The following CDH1 variants were observed in gnomAD, a reference collection of about 807,000 sequenced individuals.
CDH1 encodes the protein cadherin-1.
A neutral mutation model predicts 84.5 loss-of-function variants in CDH1; 35 were observed. The observed-to-expected ratio is 0.41, with a 90% CI of 0.32 to 0.55. The LOEUF is 0.55. Among genes scored for constraint, CDH1 ranks in the 20% least tolerant of loss-of-function variants. The pLI, the probability that CDH1 is intolerant of heterozygous loss-of-function variation, is 0.19. For missense variants in CDH1, 994 were observed against 1,126.6 expected, an observed-to-expected ratio of 0.88 and a Z score of 1.68; for synonymous variants, 417 against 439.0, an observed-to-expected ratio of 0.95 and a Z score of 0.63.
At chr16:68,803,861 T>C (rs1356743036) in intron 3 of CDH1, among the ~76,000 whole-genome samples, 3 of 152,076 alleles carry the variant, frequency 2.0e-5, no homozygotes, top group African/African-American at 7.2e-5. Flanking sequence ...AAGGAAGCCC[T>C]AGGGTAAGCT....
In CDH1 at chr16:68,835,354, G is replaced by A. The variant is rs1203318322; in HGVS notation, c.*1855G>A. The A allele has an allele frequency of 2.2e-5, 5 of 222,740 alleles. No homozygotes were observed. The highest frequency in any genetic ancestry group is 4.5e-5 in the Non-Finnish European group (5 of 111,372). 13.8% of individuals were successfully genotyped at this position (222,740 alleles called of 1,614,324 possible). A position where few individuals can be genotyped will look rare whatever the true frequency, so the allele number is the denominator to read the frequency against. On this transcript the variant is annotated 3_prime_UTR_variant, in exon 16 of 16. Transcript: ENST00000261769. ...CTTTTTGGAATTGTCTTGATTTTTC[G>A]GCAGTTCAAGCTATATCGAATATAG...
At chr16:68,807,359 A>G (rs910481343) in intron 3 of CDH1, among the ~76,000 whole-genome samples, 2 of 152,124 alleles carry the variant, frequency 1.3e-5, no homozygotes, top group Non-Finnish European at 2.9e-5. Flanking sequence ...CACGTTGAGG[A>G]CCTGTGTCCC....
intron 2 of CDH1, among the ~76,000 whole-genome samples, chr16:68,788,116 C>T (rs9932005): frequency 0.32 from 48,699 of 151,960 alleles, 8,916 homozygotes; most frequent in African/African-American, 0.51. Context: ...TGTGAGCCAC[C>T]GCACCCAGCC....
At chr16:68,763,728 C>A (rs554855132) in intron 2 of CDH1, among the ~76,000 whole-genome samples, 2 of 152,336 alleles carry the variant, frequency 1.3e-5, no homozygotes, top group Admixed American at 6.5e-5. Context: ...TAGGCCTTTG[C>A]CTGTCTGACA....
chr16:68,792,470 TC>T (rs1960234113), intron 2 of CDH1, among the ~76,000 whole-genome samples: 2 of 152,272 alleles, frequency 1.3e-5, no homozygotes, highest in South Asian at 4.1e-4. Flanking sequence ...CCTCAAGTGT[TC>T]CACCCACCTC....
chr16:68,758,207 C>CT (rs57413297), intron 2 of CDH1, among the ~76,000 whole-genome samples: 2,819 of 40,052 alleles, frequency 0.07, 921 homozygotes, highest in African/African-American at 0.23. Flanking sequence ...CTTTTTATTT[C>CT]TTTTTTTTTT....
intron 2 of CDH1, among the ~76,000 whole-genome samples, chr16:68,774,016 A>C (rs550920355): frequency 1.4e-4 from 22 of 152,338 alleles, no homozygotes; most frequent in African/African-American, 5.3e-4. Context: ...CCCAGCCTCA[A>C]GCGATCTTCC....
chr16:68,806,517 A>G (rs1387718034), intron 3 of CDH1, among the ~76,000 whole-genome samples: 1 of 152,160 alleles, frequency 6.6e-6, no homozygotes, highest in Admixed American at 6.5e-5. Context: ...CAATAAAACC[A>G]TAACTCAGTG....
intron 13 of CDH1, among the ~76,000 whole-genome samples, chr16:68,825,926 C>G (rs1961311290): frequency 6.6e-6 from 1 of 151,366 alleles, no homozygotes. Flanking sequence ...AGGCAATCCT[C>G]CCACCTCAGA....
chr16:68,766,731 G>C (rs895123089), intron 2 of CDH1, among the ~76,000 whole-genome samples: 2 of 96,614 alleles, frequency 2.1e-5, no homozygotes, highest in African/African-American at 9.3e-5. Flanking sequence ...GTAAGGTCTA[G>C]AACCCCCTTT....
intron 2 of CDH1, among the ~76,000 whole-genome samples, chr16:68,784,531 A>G (rs989726629): frequency 1.3e-5 from 2 of 151,890 alleles, no homozygotes; most frequent in African/African-American, 4.8e-5. Context: ...TGCATCCTGC[A>G]TGGTGTTGGT....
chr16:68,774,171 C>T (rs1250057902), intron 2 of CDH1, among the ~76,000 whole-genome samples: 1 of 152,174 alleles, frequency 6.6e-6, no homozygotes. Flanking sequence ...GCTTCAGCCT[C>T]CTAAAGTGCT....
intron 14 of CDH1, among the ~76,000 whole-genome samples, chr16:68,829,031 A>G (rs1961405957): frequency 6.6e-6 from 1 of 152,160 alleles, no homozygotes; most frequent in Non-Finnish European, 1.5e-5. Context: ...CAATAGAGCA[A>G]CCAATCGTGG....
At chr16:68,800,106 G>A (rs1300246881) in intron 2 of CDH1, among the ~76,000 whole-genome samples, 3 of 151,126 alleles carry the variant, frequency 2.0e-5, no homozygotes, top group East Asian at 1.9e-4. Context: ...TTGGAAGGCC[G>A]AGGCAGGAAG....
chr16:68,831,888 C>G (rs1961494009), intron 15 of CDH1, among the ~76,000 whole-genome samples: 1 of 152,132 alleles, frequency 6.6e-6, no homozygotes, highest in African/African-American at 2.4e-5. Context: ...TCCATTCATA[C>G]TCATTTGCAA....
intron 2 of CDH1, among the ~76,000 whole-genome samples, chr16:68,743,696 T>C (rs1962648513): frequency 6.6e-6 from 1 of 152,114 alleles, no homozygotes; most frequent in Admixed American, 6.6e-5. Context: ...GCCTCAGCTC[T>C]ATCTCCTTTG....
At chr16:68,776,284 G>A (rs1189823509) in intron 2 of CDH1, among the ~76,000 whole-genome samples, 1 of 152,148 alleles carries the variant, frequency 6.6e-6, no homozygotes, top group Non-Finnish European at 1.5e-5. Context: ...ACCGCACCAG[G>A]CCTATTTTAG....
intron 2 of CDH1, among the ~76,000 whole-genome samples, chr16:68,746,155 C>T (rs931082976): frequency 8.5e-5 from 13 of 152,162 alleles, no homozygotes; most frequent in African/African-American, 1.7e-4. Flanking sequence ...AGGCCAGGTG[C>T]GGTGGCTTAC....
rs2152137149 is a variant in CDH1, at chr16:68,819,492, C to T, written c.1711+67C>T. The T allele has an allele frequency of 3.3e-6, 5 of 1,497,194 alleles. No homozygotes were observed. The East Asian group carries it at 9.0e-5, about 27-fold the overall frequency. The allele number at this position is 1,497,194 out of a possible 1,614,324, so 92.7% of individuals were successfully genotyped here. Reference sequence around the variant, plus strand: ...AGCTAGTTCAGTTCCTTGCCCCTCCCTTCTTTTGGAGGGAAGAGTTCATTC... The same window carrying T: ...AGCTAGTTCAGTTCCTTGCCCCTCCTTTCTTTTGGAGGGAAGAGTTCATTC... On this transcript the variant is annotated intron_variant, in intron 11 of 15. Transcript: ENST00000261769.
Sources: gnomAD v4.1 joint callset for allele counts (sites outside exome capture counted in the v4.1 genomes callset) on GRCh38, gnomAD v4.1.1 for gene constraint, MANE v1.5 for transcripts, NCBI Gene and HGNC (gene_info 2026-07-23, HGNC 2026-07-21) for gene names.